The following AVEN variants were observed in gnomAD, a reference collection of about 807,000 sequenced individuals.
AVEN encodes the protein cell death regulator Aven.
A neutral mutation model predicts 38.1 loss-of-function variants in AVEN; 41 were observed. The ratio of observed to expected loss-of-function variants is 1.08; its 90% CI spans 0.84 to 1.40. The LOEUF (loss-of-function observed/expected upper bound fraction) is 1.40. Among genes scored for constraint, AVEN ranks in the 40% most tolerant of loss-of-function variants. The pLI, the probability that AVEN is intolerant of heterozygous loss-of-function variation, is 0.00. For missense variants in AVEN, 605 were observed against 438.8 expected, an observed-to-expected ratio of 1.38 and a Z score of -3.38; for synonymous variants, 206 against 171.8, an observed-to-expected ratio of 1.20 and a Z score of -1.56.
chr15:33,898,998 A>C (rs1005619926), intron 2 of AVEN, among the ~76,000 whole-genome samples: 12 of 152,180 alleles, frequency 7.9e-5, no homozygotes, highest in Non-Finnish European at 1.6e-4. Context: ...CAGAGGTAGG[A>C]AAGGGTGATG....
downstream of AVEN, among the ~76,000 whole-genome samples, chr15:33,863,888 A>ATCTT (rs1889450200): frequency 1.3e-5 from 2 of 152,160 alleles, no homozygotes; most frequent in African/African-American, 4.8e-5. Context: ...CTTGCAAGTG[A>ATCTT]TCTTACTTAG....
intron 1 of AVEN, among the ~76,000 whole-genome samples, chr15:34,031,094 T>A (rs1037327688): frequency 1.5e-5 from 2 of 131,934 alleles, no homozygotes; most frequent in Admixed American, 1.6e-4. Flanking sequence ...ACAACACTGA[T>A]AATAAGCCAA....
intron 2 of AVEN, among the ~76,000 whole-genome samples, chr15:33,888,793 C>T (rs1044182996): frequency 1.3e-5 from 2 of 151,888 alleles, no homozygotes; most frequent in African/African-American, 4.8e-5. Context: ...ACTCTGTCAC[C>T]AGACTGGAGT....
At chr15:33,944,827 C>T (rs1287423556) in intron 2 of AVEN, among the ~76,000 whole-genome samples, 1 of 151,172 alleles carries the variant, frequency 6.6e-6, no homozygotes. Flanking sequence ...AAAAACCCAC[C>T]AAAAGTTCTT....
At chr15:34,049,319 C>T (rs577038374) in intron 5 of AVEN, among the ~76,000 whole-genome samples, 1 of 152,224 alleles carries the variant, frequency 6.6e-6, no homozygotes, top group African/African-American at 2.4e-5. Context: ...GAAAACAATG[C>T]AGGAGCTGAC....
intron 5 of AVEN, among the ~76,000 whole-genome samples, chr15:34,055,054 T>C (rs9707955): frequency 0.31 from 47,107 of 151,236 alleles, 7,752 homozygotes; most frequent in African/African-American, 0.4. Context: ...TAGCTGGGCA[T>C]GGTGGCACAT....
intron 2 of AVEN, among the ~76,000 whole-genome samples, chr15:33,948,565 G>A (rs1479226523): frequency 6.6e-6 from 1 of 152,136 alleles, no homozygotes; most frequent in Admixed American, 6.5e-5. Context: ...TACTAAAAAT[G>A]TAAGACAAAG....
the AVEN span, among the ~76,000 whole-genome samples, chr15:33,853,374 C>A: frequency 6.6e-6 from 1 of 152,208 alleles, no homozygotes; most frequent in East Asian, 1.9e-4. Context: ...AAACAGTTAT[C>A]ATTTAATTGT....
At chr15:33,983,150 GTGTGTGTGTA>G (rs1248295986) in intron 2 of AVEN, among the ~76,000 whole-genome samples, 7 of 104,152 alleles carry the variant, frequency 6.7e-5, no homozygotes, top group East Asian at 3.7e-4. Context: ...GTGTGTGTGT[GTGTGTGTGTA>G]TGTGTGTGTG....
chr15:33,993,806 T>G (rs2140581331), intron 2 of AVEN, among the ~76,000 whole-genome samples: 1 of 146,730 alleles, frequency 6.8e-6, no homozygotes, highest in South Asian at 2.2e-4. Flanking sequence ...TGATTGTCAC[T>G]TTAGTATTTA....
At chr15:34,045,182 C>G (rs1470515864) in intron 5 of AVEN, among the ~76,000 whole-genome samples, 2 of 152,194 alleles carry the variant, frequency 1.3e-5, no homozygotes, top group Non-Finnish European at 2.9e-5. Context: ...AAGATGAACT[C>G]TTTCAGTTCA....
intron 1 of AVEN, among the ~76,000 whole-genome samples, chr15:34,008,830 A>C (rs1337693303): frequency 6.6e-6 from 1 of 152,166 alleles, no homozygotes; most frequent in Non-Finnish European, 1.5e-5. Flanking sequence ...ATGAACTTCT[A>C]GTGTATATGC....
At chr15:33,895,761 T>C (rs1024296339) in intron 2 of AVEN, among the ~76,000 whole-genome samples, 1 of 152,204 alleles carries the variant, frequency 6.6e-6, no homozygotes, top group African/African-American at 2.4e-5. Flanking sequence ...ATATTCAAAA[T>C]GATCTTTTAA....
chr15:33,927,172 T>A (rs532889275), intron 2 of AVEN, among the ~76,000 whole-genome samples: 1 of 151,892 alleles, frequency 6.6e-6, no homozygotes, highest in South Asian at 2.1e-4. Flanking sequence ...GGAAAATGGC[T>A]TGAACCCGAG....
intron 2 of AVEN, among the ~76,000 whole-genome samples, chr15:33,965,230 C>A (rs9972474): frequency 0.047 from 7,105 of 152,246 alleles, 500 homozygotes; most frequent in African/African-American, 0.15. Flanking sequence ...GGTTTGATTT[C>A]TTCAACAAGA....
At chr15:33,911,294 C>T (rs936389490) in intron 2 of AVEN, among the ~76,000 whole-genome samples, 2 of 152,168 alleles carry the variant, frequency 1.3e-5, no homozygotes, top group Non-Finnish European at 2.9e-5. Flanking sequence ...TGGTGCCAGA[C>T]ACCCCTTGAG....
chr15:33,870,968 G>C lies in AVEN; in HGVS notation c.579C>G (p.Cys193Trp). 6.2e-7 allele frequency: 1 copy of C among 1,611,330 alleles called. No homozygotes were observed. Among genetic ancestry groups the C allele is most frequent in the Non-Finnish European group, 8.5e-7 (1 of 1,178,296 alleles). Reference protein sequence around the residue: ...LVRALQELPLCLRLNVAAELV... With the variant: ...LVRALQELPLWLRLNVAAELV... ...GTTCGGCAGCAACGTTGAGTCGGAG[G>C]CAGAGAGGCAGCTCTTGAAGGGCTC... The change falls in exon 4 of 6, where the codon TGC becomes TGG. Residue 193 changes from cysteine to tryptophan, a missense_variant. Cys to Trp is a radical substitution (Grantham distance 215, BLOSUM62 -2). Coordinates refer to ENST00000306730, the MANE Select transcript of AVEN (RefSeq NM_020371.3).
intron 2 of AVEN, among the ~76,000 whole-genome samples, chr15:34,068,144 AT>A (rs1328896064): frequency 6.6e-6 from 1 of 150,818 alleles, no homozygotes; most frequent in Non-Finnish European, 1.5e-5. Context: ...GTGTGTGCAC[AT>A]TTTTTTCTCA....
Position 34,002,967 on chromosome 15 carries a change from CAT to C in AVEN, c.445+63_445+64del, listed in dbSNP as rs1897194728. The C allele has an allele frequency of 4.4e-6, 6 of 1,356,308 alleles. No individual in the cohort carries two copies. In the Admixed American group the frequency reaches 1.4e-4, roughly 32 times the overall value. The allele number at this position is 1,356,308 out of a possible 1,614,324, so 84.0% of individuals were successfully genotyped here. On this transcript the variant is annotated intron_variant, in intron 2 of 5. Transcript: ENST00000306730. ...TAGTTATAAAAGTAGAATTTAAAAA[CAT>C]ATATAAAATGTCTGTGCAACTTTCA...
Sources: allele counts gnomAD v4.1 joint callset (sites outside exome capture counted in the v4.1 genomes callset), GRCh38; gene constraint gnomAD v4.1.1; transcripts MANE v1.5; gene names NCBI Gene and HGNC (gene_info 2026-07-23, HGNC 2026-07-21).